DISC1: variants seen among roughly 807,000 people sequenced by gnomAD.
The protein encoded by DISC1 is DISC1 scaffold protein.
In DISC1, 57 loss-of-function variants were observed where a neutral mutation model predicts 84.5. The ratio of observed to expected loss-of-function variants is 0.67; its 90% CI spans 0.55 to 0.84. DISC1 has a LOEUF of 0.84. Ranked by LOEUF, DISC1 falls within the 40% of genes least tolerant of loss-of-function variation. The probability of loss-of-function intolerance (pLI) is 0.00; values close to 1 mark genes in which losing one functional copy is unlikely to be tolerated. For missense variants in DISC1, 1,000 were observed against 1,057.8 expected (o/e 0.95, Z 0.76); for synonymous variants, 411 against 415.2 (o/e 0.99, Z 0.12).
intron 9 of DISC1, among the ~76,000 whole-genome samples, chr1:231,876,015 G>A (rs1331448429): frequency 6.6e-6 from 1 of 152,152 alleles, no homozygotes; most frequent in Non-Finnish European, 1.5e-5. Flanking sequence ...AATGTGGGCT[G>A]AAAAGGCCCG....
chr1:231,888,738 C>CA (rs34003319), intron 9 of DISC1, among the ~76,000 whole-genome samples: 1,305 of 53,924 alleles, frequency 0.024, 18 homozygotes, highest in African/African-American at 0.071. Context: ...GCTCTGTCTC[C>CA]AAAAAAAAAA....
chr1:231,750,250 T>G (rs1573506846), intron 4 of DISC1, 174 bp downstream of exon 4: 1 of 1,419,196 alleles, frequency 7.0e-7, no homozygotes, highest in East Asian at 2.6e-5. Flanking sequence ...AGATGGCCCA[T>G]GTGGGTCATG....
intron 3 of DISC1, chr1:231,722,649 A>G (rs2125112876): frequency 6.2e-7 from 1 of 1,613,440 alleles, no homozygotes; most frequent in Non-Finnish European, 8.5e-7. Context: ...ATATCCACAC[A>G]GCGTAGATCA....
chr1:231,726,037 C>A (rs2070638923), intron 3 of DISC1, among the ~76,000 whole-genome samples: 1 of 152,064 alleles, frequency 6.6e-6, no homozygotes, highest in South Asian at 2.1e-4. Context: ...GAGCTGGCAG[C>A]AAAGTCAGAA....
In DISC1 at chr1:231,897,396, C is replaced by T. The variant is rs1306628427; in HGVS notation, c.1982-61432C>T. Among the ~76,000 whole-genome samples the T allele has an allele frequency of 2.0e-5, 3 of 152,124 alleles. No individual in the cohort carries two copies. The highest frequency in any genetic ancestry group is 7.2e-5 in the African/African-American group (3 of 41,430). The stretch of plus-strand genomic sequence containing the variant: ...TTTTCTCCTCTCTGGGTTACAGTGG[C>T]AGGTTGTTTTATCTTCCCCTGATGA... On this transcript the variant is annotated intron_variant, in intron 9 of 12. Transcript: ENST00000439617. The surrounding 1 kb of genome is among the most constrained non-coding windows in gnomAD (Gnocchi z 4.5).
At chr1:231,943,521 G>C (rs2091460331) in intron 9 of DISC1, among the ~76,000 whole-genome samples, 1 of 152,206 alleles carries the variant, frequency 6.6e-6, no homozygotes, top group Non-Finnish European at 1.5e-5. Flanking sequence ...AGTACAGGAG[G>C]TGGTTGGGGG....
chr1:231,665,378 C>T (rs574632084), intron 1 of DISC1, among the ~76,000 whole-genome samples: 18 of 152,324 alleles, frequency 1.2e-4, no homozygotes, highest in Admixed American at 1.0e-3. Flanking sequence ...AGTGCCACTA[C>T]TGATGCTGGA....
intron 1 of DISC1, among the ~76,000 whole-genome samples, chr1:231,635,733 CAGTTT>C (rs767369984): frequency 1.3e-3 from 204 of 152,128 alleles, no homozygotes; most frequent in African/African-American, 4.6e-3. Context: ...AAGTTCAGTT[CAGTTT>C]AAATATTTAT....
chr1:231,639,150 CA>C (rs1255425734), intron 1 of DISC1, among the ~76,000 whole-genome samples: 4 of 152,102 alleles, frequency 2.6e-5, no homozygotes, highest in African/African-American at 7.2e-5. Context: ...AAGAGGAGCA[CA>C]AGGCACTTGT....
At chr1:231,666,946 G>T (rs2062081941) in intron 1 of DISC1, among the ~76,000 whole-genome samples, 1 of 152,114 alleles carries the variant, frequency 6.6e-6, no homozygotes, top group Admixed American at 6.5e-5. Flanking sequence ...GGGCTTCCTG[G>T]AATTTGTGTT....
chr1:231,889,529 C>G (rs1418800953), intron 9 of DISC1, among the ~76,000 whole-genome samples: 1 of 152,170 alleles, frequency 6.6e-6, no homozygotes, highest in African/African-American at 2.4e-5. Flanking sequence ...ACAAGTTTTC[C>G]TTTTAGATAA....
chr1:231,696,142 G>T (rs146469583), intron 2 of DISC1, among the ~76,000 whole-genome samples: 129 of 152,268 alleles, frequency 8.5e-4, no homozygotes, highest in African/African-American at 3.1e-3. Flanking sequence ...CCTCTCCCTT[G>T]TTCCACATCT....
intron 4 of DISC1, among the ~76,000 whole-genome samples, chr1:231,762,068 T>C (rs2075709916): frequency 6.6e-6 from 1 of 152,052 alleles, no homozygotes; most frequent in Non-Finnish European, 1.5e-5. Flanking sequence ...CTCAGACACA[T>C]TTTATCTTTT....
rs200546292 is a variant in DISC1, at chr1:231,693,569, C to T, written c.68-257C>T. Among the ~76,000 whole-genome samples, 113 of 152,300 alleles carry T rather than the reference C, an allele frequency of 7.4e-4. No individual in the cohort carries two copies. In the South Asian group the frequency reaches 0.023, roughly 31 times the overall value. ...TGTTCATGCTGACCTGTTGGCATAGCGTACAGCAGTGCCAGCTGCTCTGCT... is the reference window on the plus strand; with the variant it reads ...TGTTCATGCTGACCTGTTGGCATAGTGTACAGCAGTGCCAGCTGCTCTGCT... On this transcript the variant is annotated intron_variant, in intron 1 of 12. Transcript: ENST00000439617.
At position 232,009,482 on chromosome 1, in the gene DISC1, A is replaced by C; in HGVS notation, c.2307+433A>C. ...TTTATATATTTAGAATCTATATATT[A>C]CAATATATTATTATTTATTTGAATG... On this transcript the variant is annotated intron_variant, in intron 11 of 12. Coordinates refer to ENST00000439617, the MANE Select transcript of DISC1 (RefSeq NM_018662.3). This position sits in a 1 kb window ranked among gnomAD's most constrained non-coding sequence, Gnocchi z 4.6. 1.6e-6 allele frequency: 1 copy of C among 626,498 alleles called. No individual in the cohort carries two copies. The highest frequency in any genetic ancestry group is 2.0e-6 in the Non-Finnish European group (1 of 503,376). The allele number at this position is 626,498 out of a possible 1,614,324, so 38.8% of individuals were successfully genotyped here.
At chr1:232,005,898 G>A (rs750441397) in intron 10 of DISC1, among the ~76,000 whole-genome samples, 35 of 150,718 alleles carry the variant, frequency 2.3e-4, no homozygotes, top group Non-Finnish European at 4.1e-4. Flanking sequence ...TGTCTGGATG[G>A]GAGAAAATAT....
intron 10 of DISC1, 151 bp from the exon 11 acceptor site, chr1:232,008,634 A>G: frequency 6.0e-6 from 6 of 992,634 alleles, no homozygotes; most frequent in Non-Finnish European, 8.5e-6. Flanking sequence ...CCTCTGATGA[A>G]TCTTCTAGTT....
At chr1:232,015,806 T>C (rs926076204) in intron 11 of DISC1, among the ~76,000 whole-genome samples, 1 of 152,192 alleles carries the variant, frequency 6.6e-6, no homozygotes, top group Non-Finnish European at 1.5e-5. Context: ...ATTCTGAATA[T>C]GCTGGTGTTT....
intron 3 of DISC1, among the ~76,000 whole-genome samples, chr1:231,729,404 G>A (rs1010082235): frequency 6.6e-6 from 1 of 152,312 alleles, no homozygotes; most frequent in Middle Eastern, 3.4e-3. Flanking sequence ...CTAGATCCCT[G>A]AGGAATCGTA....
Sources: gnomAD v4.1 joint callset for allele counts (sites outside exome capture counted in the v4.1 genomes callset) on GRCh38, gnomAD v4.1.1 for gene constraint, Gnocchi (gnomAD v3.1) non-coding constraint, MANE v1.5 for transcripts, NCBI Gene and HGNC (gene_info 2026-07-23, HGNC 2026-07-21) for gene names.